The following ABCC6 variants were observed in gnomAD, a reference collection of about 807,000 sequenced individuals.
The protein encoded by ABCC6 is ATP binding cassette subfamily C member 6.
Under a neutral mutation model 169.5 loss-of-function variants are expected in ABCC6, and 126 were observed. That is an observed-to-expected ratio of 0.74 (90% CI 0.64 to 0.86). ABCC6 has a LOEUF of 0.86. ABCC6 is among the 40% of genes least tolerant of loss of function. ABCC6 has a pLI of 0.00. For missense variants in ABCC6, 1,733 were observed against 1,927.2 expected (o/e 0.90, Z 1.89); for synonymous variants, 752 against 814.7 (o/e 0.92, Z 1.31).
At chr16:16,196,768 C>G (rs558525983) in intron 10 of ABCC6, among the ~76,000 whole-genome samples, 1 of 152,202 alleles carries the variant, frequency 6.6e-6, no homozygotes, top group Non-Finnish European at 1.5e-5. Flanking sequence ...GTGGCATTAT[C>G]TCAGCTCACT....
chr16:16,214,408 T>A lies in ABCC6; in HGVS notation c.516A>T (p.Leu172=). 6.5e-7 allele frequency: 1 copy of A among 1,550,162 alleles called. No homozygotes were observed. Among genetic ancestry groups the A allele is most frequent in the Non-Finnish European group, 8.7e-7 (1 of 1,146,480 alleles). Residue 172 remains leucine, a synonymous_variant, in exon 5 of 31, where the codon CTA becomes CTT. Coordinates refer to ENST00000205557, the MANE Select transcript of ABCC6 (RefSeq NM_001171.6). The stretch of plus-strand genomic sequence containing the variant: ...ACTGTGCCACCACCAGAGACAGGCA[T>A]AGGTAGGTGGACAGGTGGCGGACAG... ...SDPVRHLSTY[L]CLSLVVAQFV... is the part of the protein sequence containing the mutation.
chr16:16,166,170 C>T (rs915645995), intron 22 of ABCC6, among the ~76,000 whole-genome samples: 2 of 152,276 alleles, frequency 1.3e-5, no homozygotes, highest in Admixed American at 6.5e-5. Context: ...CCCGCCTCAC[C>T]CTCCGAGTAG....
At chr16:16,204,132 C>T (rs547522454) in intron 7 of ABCC6, among the ~76,000 whole-genome samples, 2 of 151,952 alleles carry the variant, frequency 1.3e-5, no homozygotes, top group African/African-American at 4.8e-5. Flanking sequence ...TCTCAGCTCA[C>T]GGCAACCTCC....
intron 10 of ABCC6, among the ~76,000 whole-genome samples, chr16:16,193,485 G>A (rs905170696): frequency 7.2e-5 from 11 of 152,074 alleles, no homozygotes; most frequent in African/African-American, 1.7e-4. Flanking sequence ...GGCCGGAGGC[G>A]GGCAGATCAC....
At chr16:16,220,828 C>T (rs1330854055) in intron 2 of ABCC6, among the ~76,000 whole-genome samples, 9 of 150,464 alleles carry the variant, frequency 6.0e-5, no homozygotes, top group Non-Finnish European at 1.0e-4. Context: ...ACCCAGGAGG[C>T]GGAGGTTGCA....
chr16:16,221,634 A>C lies in ABCC6; in HGVS notation c.219+15T>G. On this transcript the variant is annotated intron_variant, in intron 2 of 30. Coordinates refer to ENST00000205557, the MANE Select transcript of ABCC6 (RefSeq NM_001171.6). ...GAACATTGCCTGGTTCCAGGCTCCC[A>C]GGGATGGCAGCTACCATCTTGGCTT... 1 of 1,613,614 alleles carries C rather than the reference A, an allele frequency of 6.2e-7. No individual in the cohort carries two copies. The highest frequency in any genetic ancestry group is 8.5e-7 in the Non-Finnish European group (1 of 1,179,738).
At chr16:16,185,120 C>A (rs550329651) in intron 14 of ABCC6, 86 bp from the exon 15 acceptor site, 1 of 1,119,780 alleles carries the variant, frequency 8.9e-7, no homozygotes, top group Middle Eastern at 2.5e-4. Context: ...CATCCCCCGC[C>A]CCCCCCAGGG....
rs577856957 is a variant in ABCC6, at chr16:16,174,377, A to G, written c.2667-973T>C. On this transcript the variant is annotated intron_variant, in intron 20 of 30. Transcript: ENST00000205557. ...TTCACCTTCCTTTTTCTGTCTATTAATCTTTGACCCCGTGGCTGTACCAGA... is the reference window on the plus strand; with the variant it reads ...TTCACCTTCCTTTTTCTGTCTATTAGTCTTTGACCCCGTGGCTGTACCAGA... 4.6e-5 allele frequency among the ~76,000 whole-genome samples: 7 copies of G among 152,178 alleles called. No homozygotes were observed. In the South Asian group the frequency reaches 8.3e-4, roughly 18 times the overall value.
chr16:16,203,747 T>C (rs1435991915), intron 7 of ABCC6, 134 bp from the exon 8 acceptor site: 29 of 973,822 alleles, frequency 3.0e-5, no homozygotes, highest in African/African-American at 1.3e-4. Context: ...CTCCCTCACC[T>C]GTTCCTCCTT....
At chr16:16,185,160 C>G (rs2047611071) in intron 14 of ABCC6, 126 bp from the exon 15 acceptor site, 1 of 887,482 alleles carries the variant, frequency 1.1e-6, no homozygotes, top group South Asian at 1.4e-5. Flanking sequence ...ATCTCTCCCA[C>G]TGAACAAATT....
At chr16:16,156,932 G>A (rs191154581) in intron 27 of ABCC6, among the ~76,000 whole-genome samples, 2 of 109,578 alleles carry the variant, frequency 1.8e-5, no homozygotes, top group Admixed American at 2.4e-4. Flanking sequence ...AACAGAGTGA[G>A]ACTCTGTCTC....
At chr16:16,183,008 A>T (rs546677372) in intron 15 of ABCC6, 78 bp from the exon 16 acceptor site, 3 of 1,610,684 alleles carry the variant, frequency 1.9e-6, no homozygotes, top group African/African-American at 1.3e-5. Context: ...CCCCAGACGG[A>T]GCTGAGCTTT....
chr16:16,164,977 G>T (rs1346257141), intron 23 of ABCC6, among the ~76,000 whole-genome samples: 1 of 152,198 alleles, frequency 6.6e-6, no homozygotes, highest in Non-Finnish European at 1.5e-5. Flanking sequence ...GTTGGTTGCT[G>T]GTCCCAGCAA....
chr16:16,196,861 C>G (rs531449125), intron 10 of ABCC6, among the ~76,000 whole-genome samples: 5 of 151,904 alleles, frequency 3.3e-5, no homozygotes, highest in African/African-American at 1.2e-4. Context: ...ACCACTATGC[C>G]CGGCTAATTT....
At chr16:16,155,360 C>T (rs1036740452) in intron 27 of ABCC6, 4 of 430,424 alleles carry the variant, frequency 9.3e-6, no homozygotes, top group Non-Finnish European at 1.3e-5. Context: ...CCCATCCCAT[C>T]CATCTGTCTG....
At chr16:16,174,992 C>A (rs1368022375) in intron 20 of ABCC6, among the ~76,000 whole-genome samples, 1 of 151,272 alleles carries the variant, frequency 6.6e-6, no homozygotes. Context: ...CCAGGCTGGT[C>A]TCGAACTCCT....
intron 9 of ABCC6, among the ~76,000 whole-genome samples, chr16:16,200,072 A>G (rs1000948214): frequency 2.0e-5 from 3 of 151,632 alleles, no homozygotes; most frequent in Admixed American, 6.6e-5. Flanking sequence ...TGTCTCAAAA[A>G]AATAAGACAA....
At chr16:16,183,100 T>C (rs2047534923) in intron 15 of ABCC6, among the ~76,000 whole-genome samples, 170 bp from the exon 16 acceptor site, 1 of 152,174 alleles carries the variant, frequency 6.6e-6, no homozygotes, top group African/African-American at 2.4e-5. Flanking sequence ...AACTATCCTG[T>C]GCACATCTGT....
chr16:16,150,313 T>C, intron 30 of ABCC6, 72 bp from the exon 31 acceptor site: 1 of 1,604,226 alleles, frequency 6.2e-7, no homozygotes, highest in South Asian at 1.1e-5. Flanking sequence ...GAGAGCCCAG[T>C]GTGTCTGCGC....
Sources: gnomAD v4.1 joint callset for allele counts (sites outside exome capture counted in the v4.1 genomes callset) on GRCh38, gnomAD v4.1.1 for gene constraint, MANE v1.5 for transcripts, NCBI Gene and HGNC (gene_info 2026-07-23, HGNC 2026-07-21) for gene names.